TRPM3: variants seen among roughly 807,000 people sequenced by gnomAD.
The protein encoded by TRPM3 is transient receptor potential cation channel subfamily M member 3, also known as long transient receptor potential channel 3.
TRPM3 carries 77 observed loss-of-function variants against 181.2 expected under a neutral mutation model. The observed-to-expected ratio is 0.42, with a 90% CI of 0.35 to 0.51. The LOEUF is 0.51. Among genes scored for constraint, TRPM3 ranks in the 20% least tolerant of loss-of-function variants. The pLI is 0.01. For synonymous variants in TRPM3, 745 were observed against 796.4 expected (o/e 0.94, Z 1.09); for missense variants, 1,759 against 2,196.7 (o/e 0.80, Z 3.98).
intron 12 of TRPM3, among the ~76,000 whole-genome samples, chr9:70,630,056 T>G (rs2065519597): frequency 6.6e-6 from 1 of 152,200 alleles, no homozygotes; most frequent in Non-Finnish European, 1.5e-5. Flanking sequence ...ATGTCACAGA[T>G]GATGCATTTG....
At chr9:70,695,325 G>A (rs1475714046) in intron 8 of TRPM3, among the ~76,000 whole-genome samples, 5 of 152,178 alleles carry the variant, frequency 3.3e-5, no homozygotes, top group Non-Finnish European at 7.3e-5. Flanking sequence ...CAGGATTATT[G>A]CAAATCTTTG....
At chr9:71,155,934 G>C (rs1276171834) in intron 1 of TRPM3, among the ~76,000 whole-genome samples, 9 of 152,060 alleles carry the variant, frequency 5.9e-5, no homozygotes. Context: ...GTCAAGTATA[G>C]GCCAGTTACA....
chr9:71,116,303 T>C (rs1178925546), intron 1 of TRPM3, among the ~76,000 whole-genome samples: 1 of 152,218 alleles, frequency 6.6e-6, no homozygotes, highest in Non-Finnish European at 1.5e-5. Context: ...GCAAAGTTTC[T>C]GGTTTACTGA....
rs551469672 is a variant in TRPM3, at chr9:70,692,289, C to T, written c.1273-10711G>A. ...TAATACCCCCATTGCTGGACACTTACAAAGTTTCTAAATGTTTCATATAAA... is the reference window on the plus strand; with the variant it reads ...TAATACCCCCATTGCTGGACACTTATAAAGTTTCTAAATGTTTCATATAAA... On this transcript the variant is annotated intron_variant, in intron 8 of 25. Coordinates refer to ENST00000677713, the MANE Select transcript of TRPM3 (RefSeq NM_001366145.2). Among the ~76,000 whole-genome samples the T allele has an allele frequency of 1.5e-4, 23 of 152,332 alleles. No individual in the cohort carries two copies. In the Middle Eastern group the frequency reaches 0.017, roughly 113 times the overall value.
intron 22 of TRPM3, among the ~76,000 whole-genome samples, chr9:70,589,515 A>G (rs7865858): frequency 0.62 from 94,506 of 152,074 alleles, 29,711 homozygotes; most frequent in African/African-American, 0.71. Flanking sequence ...AGCACATTTA[A>G]TCTCTGAGGA....
intron 1 of TRPM3, among the ~76,000 whole-genome samples, chr9:71,440,837 A>G (rs1277484680): frequency 6.6e-6 from 1 of 152,224 alleles, no homozygotes; most frequent in Non-Finnish European, 1.5e-5. Context: ...AGAAATAAAA[A>G]GTAAAAGCAA....
intron 1 of TRPM3, among the ~76,000 whole-genome samples, chr9:71,240,747 G>C (rs893250947): frequency 1.3e-5 from 2 of 152,154 alleles, no homozygotes; most frequent in Non-Finnish European, 2.9e-5. Context: ...TTGCAAGAGA[G>C]AAGGATAACC....
At chr9:71,077,383 T>C (rs1286116711) in intron 1 of TRPM3, among the ~76,000 whole-genome samples, 2 of 152,202 alleles carry the variant, frequency 1.3e-5, no homozygotes, top group Admixed American at 1.3e-4. Context: ...CGCAAAACTC[T>C]TTCTCTAAGC....
At chr9:70,606,319 A>G (rs989461481) in intron 19 of TRPM3, among the ~76,000 whole-genome samples, 6 of 152,012 alleles carry the variant, frequency 3.9e-5, no homozygotes, top group Non-Finnish European at 8.8e-5. Context: ...TTTGATCCCC[A>G]ATTAACTGTT....
chr9:71,137,465 GCAAA>G (rs71856154), intron 1 of TRPM3, among the ~76,000 whole-genome samples: 47,882 of 151,834 alleles, frequency 0.32, 8,722 homozygotes, highest in Middle Eastern at 0.46. Context: ...AATGAGTTCT[GCAAA>G]CAGAGTTTTG....
At chr9:70,777,792 A>ATGT (rs1407798712) in intron 7 of TRPM3, among the ~76,000 whole-genome samples, 2 of 152,306 alleles carry the variant, frequency 1.3e-5, no homozygotes, top group African/African-American at 2.4e-5. Flanking sequence ...ACCTAAAACA[A>ATGT]GCATTCAAAA....
chr9:70,989,888 C>T (rs2097460043), intron 1 of TRPM3, among the ~76,000 whole-genome samples: 2 of 152,160 alleles, frequency 1.3e-5, no homozygotes, highest in South Asian at 4.1e-4. Context: ...TGATCATTCT[C>T]CCATGTAAAC....
intron 1 of TRPM3, among the ~76,000 whole-genome samples, chr9:71,089,616 T>C (rs1236604146): frequency 6.6e-6 from 1 of 151,932 alleles, no homozygotes; most frequent in Non-Finnish European, 1.5e-5. Flanking sequence ...GTGATAAATA[T>C]CACAGACATT....
At chr9:70,613,104 A>C (rs1032502462) in intron 18 of TRPM3, among the ~76,000 whole-genome samples, 1 of 152,226 alleles carries the variant, frequency 6.6e-6, no homozygotes, top group Non-Finnish European at 1.5e-5. Context: ...TCCAGCATGA[A>C]TGCATTTGTA....
chr9:70,783,869 C>T (rs2130845133), intron 7 of TRPM3: 1 of 1,205,836 alleles, frequency 8.3e-7, no homozygotes, highest in Non-Finnish European at 1.0e-6. Flanking sequence ...CTCTCTTTTC[C>T]TCACCCTTTT....
chr9:71,258,455 T>A (rs1400887856), intron 1 of TRPM3, among the ~76,000 whole-genome samples: 2 of 152,188 alleles, frequency 1.3e-5, no homozygotes, highest in African/African-American at 4.8e-5. Flanking sequence ...TCATTTATAT[T>A]TTTTTACATT....
intron 1 of TRPM3, among the ~76,000 whole-genome samples, chr9:71,262,190 C>T (rs1249261174): frequency 6.6e-6 from 1 of 152,166 alleles, no homozygotes; most frequent in Non-Finnish European, 1.5e-5. Flanking sequence ...GGGGCTGCTG[C>T]CTTTCTTTCA....
At chr9:71,087,537 TTTTG>T (rs1391182368) in intron 1 of TRPM3, among the ~76,000 whole-genome samples, 1 of 152,074 alleles carries the variant, frequency 6.6e-6, no homozygotes, top group African/African-American at 2.4e-5. Flanking sequence ...GAAGATTCTA[TTTTG>T]TTTGTCTTGA....
At chr9:71,343,415 G>T (rs2091092323) in intron 1 of TRPM3, among the ~76,000 whole-genome samples, 1 of 152,020 alleles carries the variant, frequency 6.6e-6, no homozygotes, top group East Asian at 1.9e-4. Flanking sequence ...TTAGTAGGTT[G>T]GTTTTTGTAG....
Sources: gnomAD v4.1 joint callset for allele counts (sites outside exome capture counted in the v4.1 genomes callset) on GRCh38, gnomAD v4.1.1 for gene constraint, MANE v1.5 for transcripts, NCBI Gene and HGNC (gene_info 2026-07-23, HGNC 2026-07-21) for gene names.